Variants in SCAPER observed in about 807,000 individuals in gnomAD.
SCAPER encodes S-phase cyclin A associated protein in the ER.
Under a neutral mutation model 182.2 loss-of-function variants are expected in SCAPER, and 98 were observed. That is an observed-to-expected ratio of 0.54 (90% CI 0.46 to 0.64). The LOEUF is 0.64. SCAPER is among the 30% of genes least tolerant of loss of function. The pLI, the probability that SCAPER is intolerant of heterozygous loss-of-function variation, is 0.00. For synonymous variants in SCAPER, 605 were observed against 564.6 expected, an observed-to-expected ratio of 1.07 and a Z score of -1.01; for missense variants, 1,432 against 1,690.0, an observed-to-expected ratio of 0.85 and a Z score of 2.68.
intron 20 of SCAPER, among the ~76,000 whole-genome samples, chr15:76,674,406 AC>A (rs1354123946): frequency 2.6e-5 from 4 of 152,050 alleles, no homozygotes; most frequent in Admixed American, 2.6e-4. Context: ...ACTGCACCAG[AC>A]TCCATAGTAA....
chr15:76,397,723 C>T (rs1406396492), intron 27 of SCAPER, among the ~76,000 whole-genome samples: 3 of 152,038 alleles, frequency 2.0e-5, no homozygotes, highest in Admixed American at 6.6e-5. Flanking sequence ...GTGATCCGCC[C>T]GCCTTGGCCT....
intron 10 of SCAPER, among the ~76,000 whole-genome samples, chr15:76,769,257 A>G (rs1598617328): frequency 6.6e-6 from 1 of 151,982 alleles, no homozygotes; most frequent in South Asian, 2.1e-4. Flanking sequence ...CCTGGCTAAC[A>G]TGGTGAAACC....
chr15:76,706,800 C>T (rs2059285721), intron 17 of SCAPER, among the ~76,000 whole-genome samples: 1 of 151,884 alleles, frequency 6.6e-6, no homozygotes, highest in Admixed American at 6.6e-5. Context: ...TCATGTATCC[C>T]AGAATTTAAA....
At chr15:76,349,654 TCA>T (rs1291416843) in intron 31 of SCAPER, 1 of 41,218 alleles carries the variant, frequency 2.4e-5, no homozygotes, top group African/African-American at 4.6e-5. Context: ...TTAGGCATCA[TCA>T]TTAAAAAAAA....
chr15:76,659,240 T>C (rs1008297651), intron 21 of SCAPER, among the ~76,000 whole-genome samples: 1 of 151,860 alleles, frequency 6.6e-6, no homozygotes, highest in Admixed American at 6.6e-5. Flanking sequence ...AAAAAACCAA[T>C]CTCATTAAAA....
chr15:76,898,330 A>C (rs2074547633), intron 1 of SCAPER, among the ~76,000 whole-genome samples: 3 of 152,336 alleles, frequency 2.0e-5, no homozygotes, highest in South Asian at 4.1e-4. Flanking sequence ...TGGTTTGGTA[A>C]CAATCTGGCA....
At chr15:76,608,262 TAG>T (rs1175552574) in intron 22 of SCAPER, among the ~76,000 whole-genome samples, 12 of 152,212 alleles carry the variant, frequency 7.9e-5, no homozygotes, top group African/African-American at 2.2e-4. Flanking sequence ...GCAGGTCTGT[TAG>T]AGTTTGCTAG....
intron 17 of SCAPER, among the ~76,000 whole-genome samples, chr15:76,721,354 T>C (rs1044154758): frequency 2.0e-5 from 3 of 151,952 alleles, no homozygotes; most frequent in African/African-American, 7.2e-5. Flanking sequence ...TGAAGTCAGG[T>C]AGTGTGATGC....
chr15:76,512,817 T>C (rs1267306531), intron 23 of SCAPER, among the ~76,000 whole-genome samples: 1 of 148,642 alleles, frequency 6.7e-6, no homozygotes, highest in Admixed American at 6.8e-5. Flanking sequence ...TTTTTACTAA[T>C]GTACTATTGG....
intron 20 of SCAPER, among the ~76,000 whole-genome samples, chr15:76,694,074 T>C (rs974927893): frequency 2.0e-5 from 3 of 150,258 alleles, no homozygotes; most frequent in Non-Finnish European, 4.5e-5. Context: ...CTACTCAGGT[T>C]TTTTTTTTTG....
At chr15:76,901,241 A>G (rs1422790949) in intron 1 of SCAPER, among the ~76,000 whole-genome samples, 3 of 152,216 alleles carry the variant, frequency 2.0e-5, no homozygotes, top group African/African-American at 7.2e-5. Context: ...AAAGAAAAAA[A>G]GAGTAATTTG....
intron 23 of SCAPER, among the ~76,000 whole-genome samples, chr15:76,527,982 G>A (rs2043333706): frequency 6.6e-6 from 1 of 152,254 alleles, no homozygotes; most frequent in African/African-American, 2.4e-5. Context: ...TTCCCCACCA[G>A]TCTAACATTT....
intron 30 of SCAPER, 114 bp from the exon 31 acceptor site, chr15:76,351,402 G>A: frequency 2.4e-6 from 2 of 838,182 alleles, no homozygotes; most frequent in Non-Finnish European, 1.8e-6. Context: ...GAATATTTTG[G>A]GGCCCAAATA....
chr15:76,753,980 T>G (rs768431361), intron 14 of SCAPER, 32 bp from the exon 15 acceptor site: 3 of 1,604,592 alleles, frequency 1.9e-6, no homozygotes, highest in Non-Finnish European at 2.6e-6. Flanking sequence ...ATCCTTAATT[T>G]CAATATATAC....
At chr15:76,716,788 C>G (rs1201952765) in intron 17 of SCAPER, among the ~76,000 whole-genome samples, 1 of 151,818 alleles carries the variant, frequency 6.6e-6, no homozygotes, top group East Asian at 1.9e-4. Context: ...TGGGACACCA[C>G]TAAGCAAACA....
At chr15:76,378,996 G>T (rs2042754395) in intron 28 of SCAPER, among the ~76,000 whole-genome samples, 1 of 152,150 alleles carries the variant, frequency 6.6e-6, no homozygotes, top group Admixed American at 6.5e-5. Context: ...TTTCCACTGT[G>T]ATAAGCCCCA....
chr15:76,441,847 C>T (rs182079273), intron 25 of SCAPER, among the ~76,000 whole-genome samples: 12 of 152,224 alleles, frequency 7.9e-5, no homozygotes, highest in Non-Finnish European at 1.3e-4. Context: ...ATAAGCTCCA[C>T]GAGAGCGAGA....
At chr15:76,355,860 G>C (rs1012529281) in intron 29 of SCAPER, among the ~76,000 whole-genome samples, 1 of 152,354 alleles carries the variant, frequency 6.6e-6, no homozygotes, top group Admixed American at 6.5e-5. Context: ...CGAGTTTACA[G>C]AGATGACCAG....
chr15:76,480,496 C>T (rs1039479361), intron 24 of SCAPER, among the ~76,000 whole-genome samples: 1 of 152,174 alleles, frequency 6.6e-6, no homozygotes, highest in African/African-American at 2.4e-5. Flanking sequence ...GAGGCTGAAA[C>T]TGAGACTTGG....
Sources: allele counts gnomAD v4.1 joint callset (sites outside exome capture counted in the v4.1 genomes callset), GRCh38; gene constraint gnomAD v4.1.1; transcripts MANE v1.5; gene names NCBI Gene and HGNC (gene_info 2026-07-23, HGNC 2026-07-21).